The following ITPRID1 variants were observed in gnomAD, a reference collection of about 807,000 sequenced individuals.
ITPRID1 encodes the protein ITPR interacting domain containing 1.
A neutral mutation model predicts 95.4 loss-of-function variants in ITPRID1; 96 were observed. The observed-to-expected ratio is 1.01, with a 90% confidence interval of 0.85 to 1.19. The LOEUF is 1.19. Ranked by LOEUF, ITPRID1 falls within the 50% of genes most tolerant of loss-of-function variation. The pLI is 0.00. For synonymous variants in ITPRID1, 510 were observed against 453.6 expected (o/e 1.12, Z -1.58); for missense variants, 1,339 against 1,252.9 (o/e 1.07, Z -1.04).
At position 31,578,071 on chromosome 7, in the gene ITPRID1, T is replaced by C. The variant is rs780108236; in HGVS notation, c.807T>C (p.Cys269=). 6.2e-7 allele frequency: 1 copy of C among 1,613,882 alleles called. No individual in the cohort carries two copies. Among genetic ancestry groups the C allele is most frequent in the Non-Finnish European group, 8.5e-7 (1 of 1,179,850 alleles). Residue 269 remains cysteine (C), a synonymous_variant, in exon 9 of 15, where the codon TGT becomes TGC. Transcript: ENST00000615280. ...CCAAACAGAACATCAGGCGGGATTG[T>C]AACCCAGAGGTATCAGAGTCCTTCA... ...RASKQNIRRD[C]NPEVSESFKV...
At chr7:31,599,621 C>CT (rs1786271126) in intron 10 of ITPRID1, among the ~76,000 whole-genome samples, 1 of 126,426 alleles carries the variant, frequency 7.9e-6, no homozygotes, top group African/African-American at 3.2e-5. Context: ...TTCTTTCTTT[C>CT]TTTCTTTCTT....
At chr7:31,600,344 T>A (rs1168264746) in intron 10 of ITPRID1, among the ~76,000 whole-genome samples, 1 of 152,146 alleles carries the variant, frequency 6.6e-6, no homozygotes, top group Non-Finnish European at 1.5e-5. Context: ...TCTAAGGCAA[T>A]TATAAGAGAG....
intron 10 of ITPRID1, among the ~76,000 whole-genome samples, chr7:31,640,858 ATC>A (rs1789956350): frequency 6.6e-6 from 1 of 152,090 alleles, no homozygotes; most frequent in Admixed American, 6.5e-5. Flanking sequence ...AAGTTTCTCA[ATC>A]TCTCTAGGAT....
chr7:31,648,541 C>A (rs1790681838), intron 12 of ITPRID1, among the ~76,000 whole-genome samples: 1 of 152,180 alleles, frequency 6.6e-6, no homozygotes, highest in Non-Finnish European at 1.5e-5. Context: ...AGAGAGCAAA[C>A]ACTCCATCAG....
intron 10 of ITPRID1, among the ~76,000 whole-genome samples, chr7:31,638,355 T>C (rs184538205): frequency 2.6e-4 from 40 of 152,326 alleles, no homozygotes; most frequent in South Asian, 8.3e-4. Context: ...AAACAGCTGT[T>C]CTATTACTCA....
chr7:31,538,311 GA>G lies in ITPRID1; in HGVS notation c.-97-11114del, dbSNP rs537045535. On this transcript the variant is annotated intron_variant, in intron 1 of 14. Coordinates refer to ENST00000615280, the MANE Select transcript of ITPRID1 (RefSeq NM_001257967.3). Reference sequence around the variant, plus strand: ...TAGTGTCTTTCGAGAGTAAATTGCAGATATAATGCTCTTTTTCCCCTAAATA... The same window carrying G: ...TAGTGTCTTTCGAGAGTAAATTGCAGTATAATGCTCTTTTTCCCCTAAATA... 8.5e-5 allele frequency among the ~76,000 whole-genome samples: 13 copies of G among 152,228 alleles called. No individual in the cohort carries two copies. The East Asian group carries it at 2.5e-3, about 29-fold the overall frequency.
intron 10 of ITPRID1, among the ~76,000 whole-genome samples, chr7:31,638,445 A>G (rs1485085520): frequency 2.0e-5 from 3 of 152,228 alleles, no homozygotes; most frequent in Non-Finnish European, 4.4e-5. Context: ...ATCCGGTTTT[A>G]TAATAACAGG....
intron 10 of ITPRID1, among the ~76,000 whole-genome samples, chr7:31,597,231 G>C (rs748415803): frequency 1.5e-4 from 23 of 151,852 alleles, no homozygotes; most frequent in Non-Finnish European, 3.2e-4. Flanking sequence ...ATTAAACCAG[G>C]AATACAACCT....
At chr7:31,575,808 C>T (rs897892232) in intron 8 of ITPRID1, among the ~76,000 whole-genome samples, 6 of 152,168 alleles carry the variant, frequency 3.9e-5, no homozygotes, top group African/African-American at 1.4e-4. Flanking sequence ...ACAGGGACTT[C>T]ACTTGGAGTT....
chr7:31,648,044 A>G (rs577221211), intron 12 of ITPRID1, among the ~76,000 whole-genome samples: 2 of 152,314 alleles, frequency 1.3e-5, no homozygotes, highest in African/African-American at 4.8e-5. Context: ...TTAATTTTAA[A>G]AAGTGTTAAT....
At chr7:31,537,860 C>A (rs530463458) in intron 1 of ITPRID1, among the ~76,000 whole-genome samples, 2 of 152,122 alleles carry the variant, frequency 1.3e-5, no homozygotes, top group African/African-American at 4.8e-5. Flanking sequence ...ATTTCTTCTC[C>A]CCCCAAAATA....
intron 10 of ITPRID1, among the ~76,000 whole-genome samples, chr7:31,639,302 T>C (rs969273757): frequency 6.6e-6 from 1 of 152,156 alleles, no homozygotes; most frequent in African/African-American, 2.4e-5. Context: ...AATCTCTATG[T>C]TTCATTTGGG....
Position 31,653,803 on chromosome 7 carries a change from G to A in ITPRID1, c.*974G>A, listed in dbSNP as rs1291745783. 2.0e-5 allele frequency: 3 copies of A among 152,172 alleles called. No homozygotes were observed. The highest frequency in any genetic ancestry group is 4.4e-5 in the Non-Finnish European group (3 of 68,038). 9.4% of individuals were successfully genotyped at this position (152,172 alleles called of 1,614,324 possible). A position where few individuals can be genotyped will look rare whatever the true frequency, so the allele number is the denominator to read the frequency against. ...ATTAAAAACTCTGAAGGAAATAACA[G>A]GTTTTGTGAAAGAGAACACAGAAGG... On this transcript the variant is annotated 3_prime_UTR_variant, in exon 15 of 15. Transcript: ENST00000615280.
intron 10 of ITPRID1, among the ~76,000 whole-genome samples, chr7:31,586,987 G>A (rs2128151869): frequency 6.6e-6 from 1 of 152,114 alleles, no homozygotes; most frequent in East Asian, 1.9e-4. Context: ...TAACGTTTAA[G>A]TCTTTAATCC....
At chr7:31,554,031 G>A (rs1162603466) in intron 3 of ITPRID1, among the ~76,000 whole-genome samples, 1 of 152,158 alleles carries the variant, frequency 6.6e-6, no homozygotes, top group African/African-American at 2.4e-5. Flanking sequence ...TAACCTGGCA[G>A]AGAACTCCTT....
intron 1 of ITPRID1, among the ~76,000 whole-genome samples, chr7:31,532,966 G>T (rs1176405555): frequency 1.3e-5 from 2 of 152,036 alleles, no homozygotes; most frequent in Non-Finnish European, 2.9e-5. Context: ...AAGAATACTG[G>T]TCTATAATTT....
intron 10 of ITPRID1, among the ~76,000 whole-genome samples, chr7:31,620,940 T>C (rs1167527791): frequency 6.6e-6 from 1 of 151,754 alleles, no homozygotes; most frequent in Non-Finnish European, 1.5e-5. Context: ...AAGCCAAGGC[T>C]CAAGAACTAT....
At chr7:31,658,215 C>A, downstream of ITPRID1, 1 of 1,432,508 alleles carries the variant, frequency 7.0e-7, no homozygotes, top group Non-Finnish European at 9.2e-7. Context: ...CAGAAGAACA[C>A]TTCCCAGAAA....
chr7:31,628,462 T>C (rs1255634277), intron 10 of ITPRID1, among the ~76,000 whole-genome samples: 3 of 145,312 alleles, frequency 2.1e-5, no homozygotes, highest in African/African-American at 8.1e-5. Context: ...TTTTTTTTTC[T>C]TTTTTTTTCT....
Sources: gnomAD v4.1 joint callset for allele counts (sites outside exome capture counted in the v4.1 genomes callset) on GRCh38, gnomAD v4.1.1 for gene constraint, MANE v1.5 for transcripts, NCBI Gene and HGNC (gene_info 2026-07-23, HGNC 2026-07-21) for gene names.